Variants in TENM3 observed in about 807,000 individuals in gnomAD.
TENM3 encodes the protein teneurin-3.
In TENM3, 63 loss-of-function variants were observed where a neutral mutation model predicts 255.1. That is an observed-to-expected ratio of 0.25 (90% CI 0.20 to 0.30). The LOEUF is 0.30. Ranked by LOEUF, TENM3 falls within the 10% of genes least tolerant of loss-of-function variation. The pLI, the probability that TENM3 is intolerant of heterozygous loss-of-function variation, is 1.00. For synonymous variants in TENM3, 1,306 were observed against 1,322.3 expected (o/e 0.99, Z 0.27); for missense variants, 2,929 against 3,461.1 (o/e 0.85, Z 3.86).
chr4:182,724,378 A>G (rs1366361553), intron 13 of TENM3, among the ~76,000 whole-genome samples: 1 of 152,220 alleles, frequency 6.6e-6, no homozygotes, highest in Non-Finnish European at 1.5e-5. Flanking sequence ...CAGACCAAAA[A>G]ATGAAAAATG....
intron 6 of TENM3, among the ~76,000 whole-genome samples, chr4:182,660,267 A>T (rs1173662509): frequency 1.3e-5 from 2 of 152,210 alleles, no homozygotes; most frequent in Non-Finnish European, 2.9e-5. Context: ...TATCAGTTGA[A>T]TGAATGAGTG....
chr4:181,861,731 G>A, the TENM3 span, among the ~76,000 whole-genome samples: 3 of 152,104 alleles, frequency 2.0e-5, no homozygotes, highest in Non-Finnish European at 4.4e-5. Flanking sequence ...TGGTTTAATG[G>A]AAGAATATAT....
intron 3 of TENM3, among the ~76,000 whole-genome samples, chr4:182,412,340 A>G (rs1398144247): frequency 6.6e-6 from 1 of 152,176 alleles, no homozygotes; most frequent in African/African-American, 2.4e-5. Context: ...AAGGCAACCA[A>G]AATACCACCA....
chr4:182,161,699 G>A (rs1201059091), intron 1 of TENM3, among the ~76,000 whole-genome samples: 17 of 91,328 alleles, frequency 1.9e-4, no homozygotes, highest in African/African-American at 3.0e-4. Flanking sequence ...AAATATATAT[G>A]TATATATATA....
At chr4:181,820,675 T>C in the TENM3 span, among the ~76,000 whole-genome samples, 1 of 152,172 alleles carries the variant, frequency 6.6e-6, no homozygotes, top group African/African-American at 2.4e-5. Context: ...ATTTTCATGT[T>C]CTAATGGGGG....
chr4:181,888,518 ATATATATACATATATGTG>A, the TENM3 span, among the ~76,000 whole-genome samples: 4 of 90,890 alleles, frequency 4.4e-5, no homozygotes, highest in African/African-American at 2.2e-4. Context: ...ATATATATGT[ATATATATACATATATGTG>A]TATATATATA....
the TENM3 span, among the ~76,000 whole-genome samples, chr4:181,629,396 C>G: frequency 0.096 from 14,592 of 152,104 alleles, 750 homozygotes; most frequent in East Asian, 0.15. Context: ...GGTGAGAGAG[C>G]GCATCCCTGT....
chr4:182,455,520 CAG>C (rs1292269720), intron 3 of TENM3, among the ~76,000 whole-genome samples: 3 of 150,140 alleles, frequency 2.0e-5, no homozygotes, highest in African/African-American at 7.4e-5. Flanking sequence ...TTGCATCTCA[CAG>C]AGTTTCCAAG....
At chr4:182,696,500 G>T (rs769317242) in intron 12 of TENM3, among the ~76,000 whole-genome samples, 16 of 152,172 alleles carry the variant, frequency 1.1e-4, no homozygotes, top group Non-Finnish European at 2.1e-4. Context: ...GCCAAGGCGG[G>T]TAGATCACGA....
intron 24 of TENM3, among the ~76,000 whole-genome samples, chr4:182,777,511 A>G (rs28719601): frequency 0.069 from 6,843 of 99,864 alleles, 624 homozygotes; most frequent in African/African-American, 0.23. Flanking sequence ...TAATGTGTTT[A>G]TGTGTGTGTG....
chr4:182,298,196 C>T (rs1014554256), intron 1 of TENM3, among the ~76,000 whole-genome samples: 2 of 152,216 alleles, frequency 1.3e-5, no homozygotes, highest in African/African-American at 4.8e-5. Context: ...CTGTTTCCCC[C>T]ACTGAACTAA....
chr4:182,239,809 G>GA (rs1308656308), upstream of TENM3, among the ~76,000 whole-genome samples: 3 of 151,878 alleles, frequency 2.0e-5, no homozygotes, highest in African/African-American at 7.3e-5. Flanking sequence ...AGCTTTACTG[G>GA]AAAAAAATCA....
intron 13 of TENM3, among the ~76,000 whole-genome samples, chr4:182,721,591 T>C (rs1759738758): frequency 6.6e-6 from 1 of 152,314 alleles, no homozygotes; most frequent in African/African-American, 2.4e-5. Context: ...AATGTACAAA[T>C]ATTTCTTTAG....
the TENM3 span, among the ~76,000 whole-genome samples, chr4:181,638,854 A>G: frequency 6.6e-6 from 1 of 152,216 alleles, no homozygotes; most frequent in Non-Finnish European, 1.5e-5. Context: ...AAAAAGGGCA[A>G]TTAGCTTCTA....
At chr4:182,092,435 C>T in the TENM3 span, among the ~76,000 whole-genome samples, 1 of 152,178 alleles carries the variant, frequency 6.6e-6, no homozygotes, top group African/African-American at 2.4e-5. Flanking sequence ...ATTGCTTGAG[C>T]CTAGGAGTTC....
chr4:181,462,822 C>T, the TENM3 span, among the ~76,000 whole-genome samples: 1 of 152,196 alleles, frequency 6.6e-6, no homozygotes. Context: ...TTTTCCATTG[C>T]ATGCTCAACG....
intron 3 of TENM3, among the ~76,000 whole-genome samples, chr4:182,536,952 A>G (rs982921544): frequency 3.9e-5 from 6 of 152,170 alleles, no homozygotes; most frequent in Non-Finnish European, 5.9e-5. Context: ...TATGCATTCA[A>G]TGATTATTCA....
Position 182,597,548 on chromosome 4 carries a change from C to G in TENM3, c.512-3376C>G, listed in dbSNP as rs369268028. ...TAAATCATGCAACTGATTATGTTTC[C>G]CTCTTTGTGCTGGCAAGTAGATTAT... On this transcript the variant is annotated intron_variant, in intron 3 of 27. Transcript: ENST00000511685. Among the ~76,000 whole-genome samples, 8 of 152,212 alleles carry G rather than the reference C, an allele frequency of 5.3e-5. No individual in the cohort carries two copies. The South Asian group carries it at 6.2e-4, about 12-fold the overall frequency.
At chr4:182,565,550 A>G (rs944381661) in intron 3 of TENM3, among the ~76,000 whole-genome samples, 9 of 152,198 alleles carry the variant, frequency 5.9e-5, no homozygotes, top group African/African-American at 2.2e-4. Flanking sequence ...TCCAGGAATG[A>G]CCTTAATTAT....
Sources: allele counts gnomAD v4.1 joint callset (sites outside exome capture counted in the v4.1 genomes callset), GRCh38; gene constraint gnomAD v4.1.1; transcripts MANE v1.5; gene names NCBI Gene and HGNC (gene_info 2026-07-23, HGNC 2026-07-21).